The following ME1 variants were observed in gnomAD, a reference collection of about 807,000 sequenced individuals.
The protein encoded by ME1 is NADP-dependent malic enzyme.
In ME1, 74 loss-of-function variants were observed where a neutral mutation model predicts 66.4. That is an observed-to-expected ratio of 1.11 (90% confidence interval 0.92 to 1.35). ME1 has a LOEUF of 1.35. Among genes scored for constraint, ME1 ranks in the 40% most tolerant of loss-of-function variants. ME1 has a pLI of 0.00. For synonymous variants in ME1, 251 were observed against 235.6 expected (o/e 1.07, Z -0.60); for missense variants, 750 against 694.1 (o/e 1.08, Z -0.90).
chr6:83,302,864 A>G (rs1767752994), intron 6 of ME1, among the ~76,000 whole-genome samples: 1 of 152,158 alleles, frequency 6.6e-6, no homozygotes, highest in South Asian at 2.1e-4. Context: ...GCCAGATCAC[A>G]AAGGGATTTA....
chr6:83,244,482 T>C lies in ME1; in HGVS notation c.815-4846A>G, dbSNP rs1790580363. Among the ~76,000 whole-genome samples, 2 of 152,118 alleles carry C rather than the reference T, an allele frequency of 1.3e-5. 1 individual carries two copies. Among genetic ancestry groups the C allele is most frequent in the South Asian group, 4.1e-4 (2 of 4,832 alleles). On this transcript the variant is annotated intron_variant, in intron 7 of 13. Transcript: ENST00000369705. ...TAGTACCTATAGGTATATATGGGTA[T>C]ATATAATTATAATATATTATAGGTA...
chr6:83,388,576 A>G (rs1769559128), intron 3 of ME1, among the ~76,000 whole-genome samples: 1 of 152,226 alleles, frequency 6.6e-6, no homozygotes, highest in Non-Finnish European at 1.5e-5. Flanking sequence ...AATTCTCACC[A>G]TTCAAAAGAC....
intron 1 of ME1, among the ~76,000 whole-genome samples, chr6:83,409,526 A>G (rs1409633679): frequency 2.0e-5 from 3 of 152,248 alleles, no homozygotes; most frequent in Admixed American, 6.5e-5. Flanking sequence ...AAAGAGGTCA[A>G]TGAATGAACA....
At chr6:83,317,503 C>T (rs951369096) in intron 5 of ME1, among the ~76,000 whole-genome samples, 2 of 151,668 alleles carry the variant, frequency 1.3e-5, no homozygotes, top group Non-Finnish European at 1.5e-5. Flanking sequence ...GTGATTTTTG[C>T]ACATTGATTT....
intron 2 of ME1, among the ~76,000 whole-genome samples, chr6:83,404,289 G>A (rs1168520604): frequency 2.6e-5 from 4 of 151,900 alleles, no homozygotes; most frequent in South Asian, 2.1e-4. Flanking sequence ...ATTTTTGGCC[G>A]CATAAATGTC....
chr6:83,378,536 G>T (rs757306564), intron 3 of ME1, among the ~76,000 whole-genome samples: 2 of 152,112 alleles, frequency 1.3e-5, no homozygotes, highest in African/African-American at 4.8e-5. Context: ...CAGGTTGAAT[G>T]AGTCAGAAAT....
intron 12 of ME1, among the ~76,000 whole-genome samples, chr6:83,218,269 G>A (rs1473825127): frequency 6.6e-6 from 1 of 152,130 alleles, no homozygotes; most frequent in East Asian, 1.9e-4. Flanking sequence ...GGCTGAGCTA[G>A]TGAGAGGCAG....
chr6:83,243,558 G>T (rs1358349719), intron 7 of ME1, among the ~76,000 whole-genome samples: 4 of 51,058 alleles, frequency 7.8e-5, no homozygotes, highest in Non-Finnish European at 1.4e-4. Context: ...ATATTATATC[G>T]ATATAATCTA....
intron 1 of ME1, among the ~76,000 whole-genome samples, chr6:83,420,863 T>TTTG (rs749930110): frequency 6.6e-6 from 1 of 152,210 alleles, no homozygotes; most frequent in Non-Finnish European, 1.5e-5. Flanking sequence ...CAGAGAAATT[T>TTTG]TTGTTGTTGT....
chr6:83,430,841 G>C (rs767869105), intron 1 of ME1, 36 bp downstream of exon 1: 1 of 1,537,650 alleles, frequency 6.5e-7, no homozygotes, highest in Non-Finnish European at 8.9e-7. Flanking sequence ...TGATAGAGAG[G>C]GGCCGATGGG....
chr6:83,392,781 T>G (rs1258751028), intron 3 of ME1: 3 of 689,562 alleles, frequency 4.4e-6, no homozygotes, highest in Non-Finnish European at 7.9e-6. Flanking sequence ...TCATCATCTC[T>G]GCACCCTCTG....
chr6:83,298,931 G>GTTTTTTTTTTTTTTTTTTTTTT lies in ME1; in HGVS notation c.704+16357_704+16378dup, dbSNP rs61055748. Among the ~76,000 whole-genome samples, 5 of 22,458 alleles carry GTTTTTTTTTTTTTTTTTTTTTT rather than the reference G, an allele frequency of 2.2e-4. 1 individual carries two copies. Among genetic ancestry groups the GTTTTTTTTTTTTTTTTTTTTTT allele is most frequent in the East Asian group, 2.8e-3 (2 of 708 alleles). 14.7% of individuals were successfully genotyped at this position (22,458 alleles called of 152,430 possible). A position where few individuals can be genotyped will look rare whatever the true frequency, so the allele number is the denominator to read the frequency against. ...TGCTGTTCCATTAGTCTATGTGTCTGTTTTTTTTTTTTTTTTTTTTTTTTT... is the reference window on the plus strand; with the variant it reads ...TGCTGTTCCATTAGTCTATGTGTCTGTTTTTTTTTTTTTTTTTTTTTTTTTTTTTTTTTTTTTTTTTTTTTTT... On this transcript the variant is annotated intron_variant, in intron 6 of 13. Transcript: ENST00000369705.
intron 7 of ME1, among the ~76,000 whole-genome samples, chr6:83,240,530 T>G (rs1008716290): frequency 6.6e-6 from 1 of 152,130 alleles, no homozygotes; most frequent in African/African-American, 2.4e-5. Flanking sequence ...TAAGTGTAAT[T>G]ACACAGCTCA....
chr6:83,313,970 C>T (rs1767977860), intron 6 of ME1, among the ~76,000 whole-genome samples: 1 of 152,134 alleles, frequency 6.6e-6, no homozygotes, highest in African/African-American at 2.4e-5. Flanking sequence ...GATAAAACTT[C>T]TTAAAAATAA....
rs140122516 is a variant in ME1 at position 83,325,045 on chromosome 6, C to A, written c.601-9632G>T. Reference sequence around the variant, plus strand: ...TCAAGTGGGCTTCATCCCTGGGATGCAAGGCTGGTTCAACATATGCGAATC... The same window carrying A: ...TCAAGTGGGCTTCATCCCTGGGATGAAAGGCTGGTTCAACATATGCGAATC... On this transcript the variant is annotated intron_variant, in intron 5 of 13. Coordinates refer to ENST00000369705, the MANE Select transcript of ME1 (RefSeq NM_002395.6). Among the ~76,000 whole-genome samples, 239 of 152,278 alleles carry A rather than the reference C, an allele frequency of 1.6e-3. 3 individuals are homozygous for A. Among genetic ancestry groups the A allele is most frequent in the African/African-American group, 5.5e-3 (227 of 41,558 alleles).
intron 3 of ME1, among the ~76,000 whole-genome samples, chr6:83,365,285 G>T (rs540231380): frequency 6.6e-6 from 1 of 152,212 alleles, no homozygotes; most frequent in African/African-American, 2.4e-5. Context: ...GTAGAGATAG[G>T]GTTTCACCCT....
At chr6:83,224,011 C>A (rs1217215414) in intron 11 of ME1, 78 bp from the exon 12 acceptor site, 1 of 1,244,578 alleles carries the variant, frequency 8.0e-7, no homozygotes, top group Non-Finnish European at 1.1e-6. Context: ...CAGAACTACC[C>A]CACAGCCTAA....
At chr6:83,251,377 C>A (rs1386577142) in intron 7 of ME1, among the ~76,000 whole-genome samples, 3 of 151,962 alleles carry the variant, frequency 2.0e-5, no homozygotes, top group Non-Finnish European at 4.4e-5. Context: ...CACCTGTAAT[C>A]CCAGCTACTC....
At chr6:83,404,831 A>T (rs1210999107) in intron 2 of ME1, among the ~76,000 whole-genome samples, 1 of 152,090 alleles carries the variant, frequency 6.6e-6, no homozygotes, top group African/African-American at 2.4e-5. Context: ...GTGTGGTGTT[A>T]TTTCTGAGGC....
Sources: gnomAD v4.1 joint callset for allele counts (sites outside exome capture counted in the v4.1 genomes callset) on GRCh38, gnomAD v4.1.1 for gene constraint, MANE v1.5 for transcripts, NCBI Gene and HGNC (gene_info 2026-07-23, HGNC 2026-07-21) for gene names.